Variants in AHI1 observed in about 807,000 individuals in gnomAD.
AHI1 encodes Abelson helper integration site 1.
AHI1 carries 123 observed loss-of-function variants against 149.3 expected under a neutral mutation model. That is an observed-to-expected ratio of 0.82 (90% CI 0.71 to 0.96). The LOEUF is 0.96. Ranked by LOEUF, AHI1 falls within the 40% of genes least tolerant of loss-of-function variation. The probability of loss-of-function intolerance (pLI) is 0.00; values close to 1 mark genes in which losing one functional copy is unlikely to be tolerated. For synonymous variants in AHI1, 475 were observed against 459.8 expected (o/e 1.03, Z -0.42); for missense variants, 1,439 against 1,422.7 (o/e 1.01, Z -0.18).
chr6:135,364,813 G>A (rs1773892213), intron 23 of AHI1, among the ~76,000 whole-genome samples: 1 of 152,242 alleles, frequency 6.6e-6, no homozygotes, highest in African/African-American at 2.4e-5. Context: ...AATCAGGCAG[G>A]GAGGTTGCAG....
intron 20 of AHI1, among the ~76,000 whole-genome samples, chr6:135,416,289 CA>C (rs1782368637): frequency 1.3e-5 from 2 of 151,216 alleles, no homozygotes; most frequent in South Asian, 4.2e-4. Flanking sequence ...AGAAAATTCA[CA>C]AAAGAACTGT....
intron 21 of AHI1, among the ~76,000 whole-genome samples, chr6:135,409,659 C>G (rs930663601): frequency 6.6e-6 from 1 of 152,054 alleles, no homozygotes; most frequent in Non-Finnish European, 1.5e-5. Flanking sequence ...TGGAGAAGTT[C>G]GAAGGTAGCT....
chr6:135,401,671 C>T (rs541332197), intron 22 of AHI1, among the ~76,000 whole-genome samples: 4 of 152,210 alleles, frequency 2.6e-5, no homozygotes, highest in Admixed American at 6.5e-5. Flanking sequence ...ATCCATCATA[C>T]CATATACAAA....
At chr6:135,471,241 C>T (rs189156787) in intron 5 of AHI1, among the ~76,000 whole-genome samples, 2 of 152,174 alleles carry the variant, frequency 1.3e-5, no homozygotes, top group South Asian at 4.1e-4. Flanking sequence ...TTATTTACCA[C>T]TGATCTGTCA....
intron 26 of AHI1, among the ~76,000 whole-genome samples, chr6:135,311,495 G>A (rs955255002): frequency 9.9e-5 from 15 of 151,846 alleles, no homozygotes; most frequent in African/African-American, 3.1e-4. Flanking sequence ...CTAATTTTTC[G>A]TTTTATACTA....
chr6:135,423,215 C>T (rs2127998205), intron 20 of AHI1, among the ~76,000 whole-genome samples: 1 of 152,282 alleles, frequency 6.6e-6, no homozygotes, highest in East Asian at 1.9e-4. Context: ...ATGTTAGCTA[C>T]TACTACCACT....
At chr6:135,492,095 C>T (rs559800186) in intron 4 of AHI1, 133 bp downstream of exon 4, 380 of 566,044 alleles carry the variant, frequency 6.7e-4, no homozygotes, top group Admixed American at 1.5e-3. Context: ...ATAAGTATCT[C>T]TAAATGTAGT....
At chr6:135,302,516 G>C in intron 26 of AHI1, 1 of 1,019,090 alleles carries the variant, frequency 9.8e-7, no homozygotes, top group Non-Finnish European at 1.2e-6. Flanking sequence ...CATGGTCCCT[G>C]CCATCTTTTC....
intron 20 of AHI1, among the ~76,000 whole-genome samples, chr6:135,422,726 G>A (rs1217049911): frequency 1.3e-5 from 2 of 151,408 alleles, no homozygotes; most frequent in Admixed American, 1.3e-4. Flanking sequence ...CTGGCCTCAA[G>A]CGATCCTCCT....
intron 24 of AHI1, among the ~76,000 whole-genome samples, chr6:135,351,038 C>A (rs1406220861): frequency 6.6e-6 from 1 of 151,808 alleles, no homozygotes; most frequent in East Asian, 1.9e-4. Flanking sequence ...AGTCCCAGTT[C>A]ATGCCTATTG....
chr6:135,401,959 A>G (rs923806919), intron 22 of AHI1, among the ~76,000 whole-genome samples: 1 of 152,196 alleles, frequency 6.6e-6, no homozygotes, highest in African/African-American at 2.4e-5. Flanking sequence ...TCTAGAATAT[A>G]TAAAGAACTT....
chr6:135,476,509 T>C (rs1792670805), intron 5 of AHI1, among the ~76,000 whole-genome samples: 1 of 152,160 alleles, frequency 6.6e-6, no homozygotes, highest in Non-Finnish European at 1.5e-5. Flanking sequence ...AATTTGTCAG[T>C]TACTGAAATC....
intron 23 of AHI1, among the ~76,000 whole-genome samples, chr6:135,385,365 G>C (rs1230251096): frequency 2.6e-5 from 4 of 152,130 alleles, no homozygotes; most frequent in Non-Finnish European, 5.9e-5. Flanking sequence ...TAGCAAAGGA[G>C]AATGAAGAGT....
At chr6:135,314,800 A>G (rs1013050436) in intron 26 of AHI1, among the ~76,000 whole-genome samples, 3 of 152,122 alleles carry the variant, frequency 2.0e-5, no homozygotes, top group African/African-American at 7.2e-5. Context: ...TGCAATGCCA[A>G]AGCACTTTTC....
At chr6:135,405,294 A>C (rs1161601426) in intron 21 of AHI1, among the ~76,000 whole-genome samples, 1 of 152,238 alleles carries the variant, frequency 6.6e-6, no homozygotes, top group Non-Finnish European at 1.5e-5. Context: ...TGTAAAAGAC[A>C]CATGCTGAGT....
intron 23 of AHI1, among the ~76,000 whole-genome samples, chr6:135,377,060 A>G (rs1776057229): frequency 6.6e-6 from 1 of 151,984 alleles, no homozygotes. Context: ...CAAACAAAAA[A>G]CTGCTTGAGA....
At chr6:135,418,056 T>C (rs1039476633) in intron 20 of AHI1, among the ~76,000 whole-genome samples, 1 of 152,126 alleles carries the variant, frequency 6.6e-6, no homozygotes. Flanking sequence ...CATTACTTTT[T>C]GTGTTAATTT....
chr6:135,411,211 TGAAAGGAACCA>T, intron 21 of AHI1, 126 bp downstream of exon 21: 2 of 831,076 alleles, frequency 2.4e-6, no homozygotes, highest in South Asian at 3.7e-5. Context: ...AATAAGTACC[TGAAAGGAACCA>T]TAAAAGTATA....
At chr6:135,315,972 G>A (rs983205752) in intron 26 of AHI1, among the ~76,000 whole-genome samples, 3 of 152,074 alleles carry the variant, frequency 2.0e-5, no homozygotes, top group African/African-American at 7.2e-5. Flanking sequence ...TTGTTGAGGG[G>A]AGCTGTCCTC....
Sources: gnomAD v4.1 joint callset for allele counts (sites outside exome capture counted in the v4.1 genomes callset) on GRCh38, gnomAD v4.1.1 for gene constraint, MANE v1.5 for transcripts, NCBI Gene and HGNC (gene_info 2026-07-23, HGNC 2026-07-21) for gene names.